OR2C1: variants seen among roughly 807,000 people sequenced by gnomAD.
The protein encoded by OR2C1 is olfactory receptor family 2 subfamily C member 1.
For missense variants in OR2C1, 468 were observed against 388.3 expected (o/e 1.21, Z -1.73); for synonymous variants, 209 against 167.3 (o/e 1.25, Z -1.92).
At chr16:3,326,269 A>C in the OR2C1 span, among the ~76,000 whole-genome samples, 1 of 152,000 alleles carries the variant, frequency 6.6e-6, no homozygotes, top group Non-Finnish European at 1.5e-5. Context: ...CGCCGAGAAC[A>C]AACCCAGCAC....
the OR2C1 span, among the ~76,000 whole-genome samples, chr16:3,341,752 A>G: frequency 6.6e-6 from 1 of 152,304 alleles, no homozygotes; most frequent in East Asian, 1.9e-4. Flanking sequence ...TCTTCCTGGC[A>G]CATGGATGTG....
Position 3,356,834 on chromosome 16 carries a change from G to A in OR2C1, c.894G>A (p.Lys298=), listed in dbSNP as rs1353883243. The A allele has an allele frequency of 6.2e-7, 1 of 1,612,110 alleles. No homozygotes were observed. ...LIYTLRNMEV[K]GALRRLLGKG... ...ACACGCTGCGGAACATGGAAGTGAAGGGCGCACTGAGGAGGTTGCTGGGGA... is the reference window on the plus strand; with the variant it reads ...ACACGCTGCGGAACATGGAAGTGAAAGGCGCACTGAGGAGGTTGCTGGGGA... The change falls in exon 1 of 1, where the codon AAG becomes AAA. Residue 298 remains lysine (K), a synonymous_variant. Transcript: ENST00000304936.
At chr16:3,332,327 C>G in the OR2C1 span, among the ~76,000 whole-genome samples, 381 of 151,928 alleles carry the variant, frequency 2.5e-3, 1 homozygote, top group African/African-American at 8.4e-3. Flanking sequence ...AATTCCTGGA[C>G]TCAAGTCATC....
At chr16:3,348,230 G>C in the OR2C1 span, among the ~76,000 whole-genome samples, 1 of 152,180 alleles carries the variant, frequency 6.6e-6, no homozygotes, top group Non-Finnish European at 1.5e-5. Flanking sequence ...TGGGAATAAA[G>C]TGGAAAAAGT....
upstream of OR2C1, among the ~76,000 whole-genome samples, chr16:3,352,604 C>A (rs1222953029): frequency 6.6e-6 from 1 of 151,832 alleles, no homozygotes; most frequent in Non-Finnish European, 1.5e-5. Context: ...TTCAAACTCC[C>A]CCATTTCTAG....
the OR2C1 span, among the ~76,000 whole-genome samples, chr16:3,326,162 C>G: frequency 6.6e-6 from 1 of 151,828 alleles, no homozygotes; most frequent in Non-Finnish European, 1.5e-5. Flanking sequence ...AACTCCAGAC[C>G]TCGTGATTGG....
chr16:3,331,347 C>T, the OR2C1 span, among the ~76,000 whole-genome samples: 8 of 151,416 alleles, frequency 5.3e-5, no homozygotes, highest in Admixed American at 4.6e-4. Context: ...TGCCTGTTCA[C>T]TCTGATGGTA....
Position 3,355,950 on chromosome 16 carries a change from G to T in OR2C1, c.10G>T (p.Val4Leu). The T allele has an allele frequency of 5.0e-6, 8 of 1,606,952 alleles. No homozygotes were observed. The highest frequency in any genetic ancestry group is 2.2e-5 in the East Asian group (1 of 44,822). Residue 4 changes from valine to leucine, a missense_variant, in exon 1 of 1, where the codon GTG becomes TTG. Transcript: ENST00000304936. MDG[V>L]NDSSLQGFVL... Reference sequence around the variant, plus strand: ...CTGAAGACAACCAGTGATGGACGGGGTGAATGATAGCTCCTTGCAGGGCTT... The same window carrying T: ...CTGAAGACAACCAGTGATGGACGGGTTGAATGATAGCTCCTTGCAGGGCTT...
the OR2C1 span, among the ~76,000 whole-genome samples, chr16:3,346,083 C>G: frequency 3.9e-5 from 6 of 152,140 alleles, no homozygotes; most frequent in Non-Finnish European, 7.4e-5. Context: ...GTCCTCCTGC[C>G]TTGGCCTCCC....
the OR2C1 span, among the ~76,000 whole-genome samples, chr16:3,340,008 G>A: frequency 1.3e-5 from 2 of 152,124 alleles, no homozygotes; most frequent in East Asian, 1.9e-4. Flanking sequence ...GCTGGGTGCA[G>A]TAGCTCACGC....
the OR2C1 span, among the ~76,000 whole-genome samples, chr16:3,325,101 C>T: frequency 6.6e-6 from 1 of 152,104 alleles, no homozygotes; most frequent in East Asian, 1.9e-4. Context: ...TTTGTCTCAG[C>T]CTCTGAAGTA....
chr16:3,329,169 GACACACACACACACACAC>G, the OR2C1 span, among the ~76,000 whole-genome samples: 2 of 115,088 alleles, frequency 1.7e-5, no homozygotes, highest in Admixed American at 9.5e-5. Context: ...TGGGAGGGAA[GACACACACACACACACAC>G]ACACACACAC....
At chr16:3,348,993 C>T in the OR2C1 span, among the ~76,000 whole-genome samples, 5 of 151,968 alleles carry the variant, frequency 3.3e-5, no homozygotes, top group African/African-American at 1.2e-4. Flanking sequence ...CAACTTCCTC[C>T]GCATAGGATG....
chr16:3,337,749 G>C, the OR2C1 span, among the ~76,000 whole-genome samples: 2 of 152,000 alleles, frequency 1.3e-5, no homozygotes, highest in Admixed American at 1.3e-4. Flanking sequence ...GGACGGTCCT[G>C]GTCCCATCCT....
chr16:3,322,994 G>A, the OR2C1 span: 9 of 913,938 alleles, frequency 9.8e-6, no homozygotes, highest in Non-Finnish European at 1.2e-5. Flanking sequence ...TTTTTCCTTG[G>A]AACTGGACTG....
chr16:3,331,290 CT>C, the OR2C1 span, among the ~76,000 whole-genome samples: 1 of 151,956 alleles, frequency 6.6e-6, no homozygotes. Context: ...GATATCAGCC[CT>C]TTGTCAGATG....
the OR2C1 span, among the ~76,000 whole-genome samples, chr16:3,332,509 T>TC: frequency 1.2e-4 from 18 of 151,932 alleles, no homozygotes; most frequent in South Asian, 2.1e-4. Flanking sequence ...CTTTTTATCC[T>TC]CCCCCCCACT....
chr16:3,356,533 T>C lies in OR2C1; in HGVS notation c.593T>C (p.Val198Ala). The C allele has an allele frequency of 6.2e-7, 1 of 1,614,200 alleles. No homozygotes were observed. Among genetic ancestry groups the C allele is most frequent in the Non-Finnish European group, 8.5e-7 (1 of 1,180,040 alleles). Residue 198 changes from valine to alanine, a missense_variant, in exon 1 of 1, where the codon GTG becomes GCG. Physicochemically the swap from Val to Ala is moderately conservative, Grantham distance 64. Transcript: ENST00000304936. The part of the protein sequence containing the change: ...ACGDTSLNQA[V>A]LNGVCTFFTA... ...GGCGACACAAGTCTCAACCAGGCTG[T>C]GCTCAATGGTGTCTGCACCTTCTTC...
chr16:3,337,955 A>G, the OR2C1 span, among the ~76,000 whole-genome samples: 5 of 152,140 alleles, frequency 3.3e-5, no homozygotes, highest in African/African-American at 1.2e-4. Context: ...CCTCCCCACA[A>G]GCTGCCCCCA....
Sources: gnomAD v4.1 joint callset for allele counts (sites outside exome capture counted in the v4.1 genomes callset) on GRCh38, gnomAD v4.1.1 for gene constraint, MANE v1.5 for transcripts, NCBI Gene and HGNC (gene_info 2026-07-23, HGNC 2026-07-21) for gene names.